SKAP2: variants seen among roughly 807,000 people sequenced by gnomAD.
SKAP2 encodes src kinase-associated phosphoprotein 2.
SKAP2 carries 28 observed loss-of-function variants against 54.9 expected under a neutral mutation model. The observed-to-expected ratio is 0.51, with a 90% CI of 0.38 to 0.70. The LOEUF is 0.70. Ranked by LOEUF, SKAP2 falls within the 30% of genes least tolerant of loss-of-function variation. SKAP2 has a pLI of 0.00. For synonymous variants in SKAP2, 137 were observed against 134.3 expected (o/e 1.02, Z -0.14); for missense variants, 356 against 424.1 (o/e 0.84, Z 1.41).
chr7:26,739,458 G>T (rs1782381109), intron 5 of SKAP2, among the ~76,000 whole-genome samples: 1 of 152,158 alleles, frequency 6.6e-6, no homozygotes, highest in Admixed American at 6.5e-5. Context: ...ATAGCCAATG[G>T]AGAGGAACAC....
chr7:26,753,031 A>C (rs1181363060), intron 4 of SKAP2, among the ~76,000 whole-genome samples: 1 of 152,194 alleles, frequency 6.6e-6, no homozygotes. Context: ...AAATTACTAG[A>C]GAATTCATAC....
At chr7:26,741,822 G>GTT (rs554334194) in intron 4 of SKAP2, among the ~76,000 whole-genome samples, 4,012 of 146,050 alleles carry the variant, frequency 0.027, 174 homozygotes, top group African/African-American at 0.094. Context: ...AATTTTACCA[G>GTT]TTTTTTTTTT....
At chr7:26,808,382 A>G (rs1784071149) in intron 4 of SKAP2, among the ~76,000 whole-genome samples, 1 of 152,240 alleles carries the variant, frequency 6.6e-6, no homozygotes, top group South Asian at 2.1e-4. Flanking sequence ...CAAATACAGT[A>G]TGACTTTACT....
In SKAP2 at chr7:26,770,157, G is replaced by C. The variant is rs148024762; in HGVS notation, c.308-30193C>G. On this transcript the variant is annotated intron_variant, in intron 4 of 12. Coordinates refer to ENST00000345317, the MANE Select transcript of SKAP2 (RefSeq NM_003930.5). ...TTCTTCCAGAGATGCCCTGCCCAGA[G>C]AGGAGGAATCTAGAGAGGCAGTCTG... 9.0e-3 allele frequency among the ~76,000 whole-genome samples: 1,373 copies of C among 152,318 alleles called. 22 individuals carry two copies. The highest frequency in any genetic ancestry group is 0.031 in the African/African-American group (1,289 of 41,580).
At chr7:26,690,211 C>G in intron 10 of SKAP2, 74 bp downstream of exon 10, 1 of 1,095,988 alleles carries the variant, frequency 9.1e-7, no homozygotes, top group Non-Finnish European at 1.4e-6. Context: ...ATCTTTAGAA[C>G]AGTAAGAACA....
intron 4 of SKAP2, among the ~76,000 whole-genome samples, chr7:26,747,176 A>G (rs1782576167): frequency 1.3e-5 from 2 of 152,266 alleles, no homozygotes; most frequent in South Asian, 4.1e-4. Flanking sequence ...TTGTTTTCTC[A>G]TCGTAGCACT....
chr7:26,658,985 A>G, the SKAP2 span, among the ~76,000 whole-genome samples: 1 of 152,122 alleles, frequency 6.6e-6, no homozygotes, highest in Admixed American at 6.5e-5. Flanking sequence ...TTAGAATTCA[A>G]TATCACTCTG....
chr7:26,809,184 T>G (rs1182419186), intron 4 of SKAP2, among the ~76,000 whole-genome samples: 1 of 152,034 alleles, frequency 6.6e-6, no homozygotes, highest in African/African-American at 2.4e-5. Context: ...GAGGCCAAGG[T>G]GGGCAGATCA....
chr7:26,751,164 C>G (rs1782673775), intron 4 of SKAP2, among the ~76,000 whole-genome samples: 1 of 151,980 alleles, frequency 6.6e-6, no homozygotes, highest in Non-Finnish European at 1.5e-5. Flanking sequence ...TATAATAAAA[C>G]ACGTTTTTGT....
the SKAP2 span, among the ~76,000 whole-genome samples, chr7:26,658,716 A>T: frequency 6.6e-6 from 1 of 152,158 alleles, no homozygotes; most frequent in African/African-American, 2.4e-5. Context: ...TAGGTAATGC[A>T]AATGCATAGA....
chr7:26,717,083 C>A (rs747695937), intron 9 of SKAP2, among the ~76,000 whole-genome samples: 2 of 152,120 alleles, frequency 1.3e-5, no homozygotes, highest in East Asian at 3.9e-4. Flanking sequence ...GTGTTTCCTT[C>A]CAGAGCCCCT....
the SKAP2 span, among the ~76,000 whole-genome samples, chr7:26,655,284 A>G: frequency 5.9e-5 from 9 of 152,220 alleles, no homozygotes; most frequent in Non-Finnish European, 8.8e-5. Flanking sequence ...ACTGTACAGT[A>G]ACCACTCCAA....
intron 4 of SKAP2, 131 bp from the exon 5 acceptor site, chr7:26,740,095 G>C (rs1782401878): frequency 2.4e-6 from 1 of 423,682 alleles, no homozygotes; most frequent in Non-Finnish European, 4.2e-6. Flanking sequence ...TATTAGCTTT[G>C]TTTCAGATCC....
intron 4 of SKAP2, among the ~76,000 whole-genome samples, chr7:26,800,782 A>T (rs1479679987): frequency 6.6e-6 from 1 of 152,182 alleles, no homozygotes; most frequent in Non-Finnish European, 1.5e-5. Flanking sequence ...CATACAACTG[A>T]CCAAGATGAA....
intron 4 of SKAP2, among the ~76,000 whole-genome samples, chr7:26,746,950 A>G (rs1375785050): frequency 3.3e-5 from 5 of 152,296 alleles, no homozygotes; most frequent in Admixed American, 3.3e-4. Context: ...GGCCTGGAAT[A>G]TGTATGAGAG....
chr7:26,672,946 C>A (rs928528451), intron 11 of SKAP2, among the ~76,000 whole-genome samples: 2 of 151,966 alleles, frequency 1.3e-5, no homozygotes, highest in Admixed American at 1.3e-4. Flanking sequence ...CTATGCCTTT[C>A]CTCTTTTCCA....
chr7:26,698,745 G>C (rs988452268), intron 9 of SKAP2, among the ~76,000 whole-genome samples: 1 of 152,046 alleles, frequency 6.6e-6, no homozygotes, highest in Non-Finnish European at 1.5e-5. Context: ...TTTAGACTTG[G>C]GAATCTGGCA....
chr7:26,725,536 A>G lies in SKAP2; in HGVS notation c.688T>C (p.Tyr230His). Reference protein sequence around the residue: ...DMESDIIPEDYDERGELYDDV... With the variant: ...DMESDIIPEDHDERGELYDDV... ...TCATATAATTCTCCTCTCTCATCAT[A>G]ATCCTCAGGAATAATATCAGATTCC... Residue 230 changes from tyrosine to histidine, a missense_variant, in exon 9 of 13, where the codon TAT becomes CAT. Transcript: ENST00000345317. 2.5e-6 allele frequency: 4 copies of G among 1,607,784 alleles called. No homozygotes were observed. Among genetic ancestry groups the G allele is most frequent in the Non-Finnish European group, 3.4e-6 (4 of 1,177,410 alleles).
chr7:26,696,604 G>C (rs1786900598), intron 9 of SKAP2, among the ~76,000 whole-genome samples: 1 of 152,082 alleles, frequency 6.6e-6, no homozygotes, highest in African/African-American at 2.4e-5. Flanking sequence ...CAACCAGAAA[G>C]GTTAATGTGA....
Sources: gnomAD v4.1 joint callset for allele counts (sites outside exome capture counted in the v4.1 genomes callset) on GRCh38, gnomAD v4.1.1 for gene constraint, MANE v1.5 for transcripts, NCBI Gene and HGNC (gene_info 2026-07-23, HGNC 2026-07-21) for gene names.